STX6: variants seen among roughly 807,000 people sequenced by gnomAD.
The protein encoded by STX6 is syntaxin 6.
Under a neutral mutation model 38.0 loss-of-function variants are expected in STX6, and 23 were observed. That is an observed-to-expected ratio of 0.60 (90% CI 0.43 to 0.86). The LOEUF (loss-of-function observed/expected upper bound fraction) is 0.86, where lower values mean the gene tolerates loss of function less well. Ranked by LOEUF, STX6 falls within the 40% of genes least tolerant of loss-of-function variation. The pLI is 0.00. For synonymous variants in STX6, 123 were observed against 107.5 expected (o/e 1.14, Z -0.89); for missense variants, 274 against 312.9 (o/e 0.88, Z 0.94).
rs116662768 is a variant in STX6 at position 181,013,520 on chromosome 1, G to C, written c.36-8057C>G. Among the ~76,000 whole-genome samples the C allele has an allele frequency of 4.4e-3, 670 of 152,300 alleles. 4 individuals are homozygous for C. Among genetic ancestry groups the C allele is most frequent in the Non-Finnish European group, 7.8e-3 (530 of 68,018 alleles). On this transcript the variant is annotated intron_variant, in intron 1 of 7. Coordinates refer to ENST00000258301, the MANE Select transcript of STX6 (RefSeq NM_005819.6). Reference sequence around the variant, plus strand: ...TTTATTGTAGAAACAGGGTCTCGCTGTTGCCCAGGCTGATCTCAAACTCCT... The same window carrying C: ...TTTATTGTAGAAACAGGGTCTCGCTCTTGCCCAGGCTGATCTCAAACTCCT...
intron 3 of STX6, 78 bp downstream of exon 3, chr1:181,002,528 G>A: frequency 9.6e-7 from 1 of 1,046,136 alleles, no homozygotes. Flanking sequence ...TGACCTATTA[G>A]TTTACAATTA....
intron 7 of STX6, among the ~76,000 whole-genome samples, chr1:180,983,908 C>CA (rs1655484221): frequency 1.3e-5 from 2 of 151,310 alleles, no homozygotes; most frequent in African/African-American, 4.9e-5. Context: ...ACTAAAAATA[C>CA]AAAAAATTAG....
intron 1 of STX6, among the ~76,000 whole-genome samples, chr1:181,009,140 T>A (rs1476513894): frequency 6.6e-6 from 1 of 152,140 alleles, no homozygotes; most frequent in African/African-American, 2.4e-5. Flanking sequence ...GAATATATAT[T>A]TTTTTAAACT....
intron 7 of STX6, among the ~76,000 whole-genome samples, chr1:180,984,290 A>G (rs1571327691): frequency 6.6e-6 from 1 of 152,112 alleles, no homozygotes; most frequent in African/African-American, 2.4e-5. Flanking sequence ...TCACGCCTAT[A>G]ATCTCAGCAT....
chr1:181,009,052 T>C (rs556800605), intron 1 of STX6, among the ~76,000 whole-genome samples: 2 of 152,292 alleles, frequency 1.3e-5, no homozygotes, highest in South Asian at 4.2e-4. Flanking sequence ...CAAACTTCCA[T>C]TTTGCCAGTG....
At position 180,982,059 on chromosome 1, in the gene STX6, A is replaced by G. The variant is rs145003458; in HGVS notation, c.691+2618T>C. Reference sequence around the variant, plus strand: ...ATACTTCTGTGGGTAGGAGAATACAATTAGTGTCTCTCTTGGGTCATTCAA... The same window carrying G: ...ATACTTCTGTGGGTAGGAGAATACAGTTAGTGTCTCTCTTGGGTCATTCAA... On this transcript the variant is annotated intron_variant, in intron 7 of 7. Coordinates refer to ENST00000258301, the MANE Select transcript of STX6 (RefSeq NM_005819.6). 2.2e-3 allele frequency among the ~76,000 whole-genome samples: 339 copies of G among 152,326 alleles called. 2 individuals carry two copies. The highest frequency in any genetic ancestry group is 7.0e-3 in the African/African-American group (293 of 41,564).
chr1:180,987,458 T>C (rs1228345484), intron 6 of STX6, among the ~76,000 whole-genome samples: 1 of 152,240 alleles, frequency 6.6e-6, no homozygotes, highest in Non-Finnish European at 1.5e-5. Flanking sequence ...ATGGGTTGTC[T>C]TGTCTGCTCT....
At chr1:181,014,331 T>C (rs1656494604) in intron 1 of STX6, among the ~76,000 whole-genome samples, 1 of 151,224 alleles carries the variant, frequency 6.6e-6, no homozygotes, top group Admixed American at 6.6e-5. Flanking sequence ...GAGGCGAAGG[T>C]TGCAGTAAGC....
chr1:180,990,057 T>C lies in STX6; in HGVS notation c.416A>G (p.Lys139Arg), dbSNP rs1655709622. 3 of 1,614,182 alleles carry C rather than the reference T, an allele frequency of 1.9e-6. No homozygotes were observed. The highest frequency in any genetic ancestry group is 2.5e-6 in the Non-Finnish European group (3 of 1,180,032). The change falls in exon 5 of 8, where the codon AAA becomes AGA. Residue 139 changes from lysine to arginine, a missense_variant. Physicochemically the swap from Lys to Arg is conservative, Grantham distance 26. Transcript: ENST00000258301. ...SQNWSTGTTD[K>R]YGRLDRELQR... ...GAGCTCTCGGTCCAGACGCCCATATTTATCTGTTGTTCCAGTGCTCCAGTT... is the reference window on the plus strand; with the variant it reads ...GAGCTCTCGGTCCAGACGCCCATATCTATCTGTTGTTCCAGTGCTCCAGTT...
chr1:180,992,712 C>A (rs953264415), intron 4 of STX6, among the ~76,000 whole-genome samples: 1 of 152,188 alleles, frequency 6.6e-6, no homozygotes, highest in Non-Finnish European at 1.5e-5. Context: ...GATCATTCTA[C>A]ATTTTTTAAA....
chr1:180,984,909 C>G, intron 6 of STX6, 138 bp from the exon 7 acceptor site: 1 of 477,882 alleles, frequency 2.1e-6, no homozygotes, highest in Admixed American at 3.7e-5. Flanking sequence ...ACTCTGTTAT[C>G]CAAAATCCTT....
At chr1:180,997,913 G>A (rs1311368310) in intron 3 of STX6, among the ~76,000 whole-genome samples, 4 of 152,180 alleles carry the variant, frequency 2.6e-5, no homozygotes, top group Non-Finnish European at 5.9e-5. Flanking sequence ...TGAAATTGGA[G>A]AACGAAGAGG....
At chr1:180,977,355 G>C (rs148111724) in intron 7 of STX6, among the ~76,000 whole-genome samples, 6 of 152,360 alleles carry the variant, frequency 3.9e-5, no homozygotes, top group East Asian at 3.9e-4. Flanking sequence ...CTGTGAGACA[G>C]AAGGGCCCAG....
At chr1:181,012,023 A>G (rs929304406) in intron 1 of STX6, among the ~76,000 whole-genome samples, 1 of 152,218 alleles carries the variant, frequency 6.6e-6, no homozygotes, top group African/African-American at 2.4e-5. Flanking sequence ...TCAACTATGT[A>G]ATCAGAAAAA....
intron 1 of STX6, among the ~76,000 whole-genome samples, chr1:181,006,219 C>A (rs534076195): frequency 6.6e-6 from 1 of 151,868 alleles, no homozygotes; most frequent in Non-Finnish European, 1.5e-5. Context: ...CCCGCCACCA[C>A]GCCTGGCTAA....
chr1:181,008,612 T>C (rs1656297871), intron 1 of STX6, among the ~76,000 whole-genome samples: 1 of 152,098 alleles, frequency 6.6e-6, no homozygotes, highest in Non-Finnish European at 1.5e-5. Flanking sequence ...GCCAGCTCAT[T>C]TCAATACACA....
intron 7 of STX6, among the ~76,000 whole-genome samples, chr1:180,983,977 T>C (rs1655487165): frequency 7.3e-6 from 1 of 137,150 alleles, no homozygotes; most frequent in African/African-American, 2.8e-5. Context: ...GGCAGGAGAA[T>C]GGCGTGAACC....
intron 2 of STX6, among the ~76,000 whole-genome samples, chr1:181,004,411 C>T (rs967889229): frequency 6.6e-6 from 1 of 152,220 alleles, no homozygotes; most frequent in African/African-American, 2.4e-5. Flanking sequence ...AAGCTTTCAG[C>T]CCCCTGCTTA....
chr1:180,991,434 AT>A (rs372587925), intron 4 of STX6, among the ~76,000 whole-genome samples: 4 of 152,224 alleles, frequency 2.6e-5, no homozygotes, highest in African/African-American at 9.6e-5. Flanking sequence ...AATAGTGACA[AT>A]TTTTTTAGGG....
Sources: gnomAD v4.1 joint callset for allele counts (sites outside exome capture counted in the v4.1 genomes callset) on GRCh38, gnomAD v4.1.1 for gene constraint, MANE v1.5 for transcripts, NCBI Gene and HGNC (gene_info 2026-07-23, HGNC 2026-07-21) for gene names.